Variants in ASXL2 observed in about 807,000 individuals in gnomAD.
The protein encoded by ASXL2 is putative Polycomb group protein ASXL2.
In ASXL2, 23 loss-of-function variants were observed where a neutral mutation model predicts 122.0. The ratio of observed to expected loss-of-function variants is 0.19; its 90% confidence interval spans 0.14 to 0.27. The LOEUF is 0.27. Among genes scored for constraint, ASXL2 ranks in the 10% least tolerant of loss-of-function variants. The pLI, the probability that ASXL2 is intolerant of heterozygous loss-of-function variation, is 1.00. For missense variants in ASXL2, 1,518 were observed against 1,713.8 expected (o/e 0.89, Z 2.02); for synonymous variants, 650 against 637.0 (o/e 1.02, Z -0.31).
rs558790296 is a variant in ASXL2 at position 25,878,375 on chromosome 2, G to A, written c.-153C>T. Reference sequence around the variant, plus strand: ...GGGCACCCAAGCAGAGGAAGCGGCGGGGGTGGTGCGCGGGGGGGTCTATGG... The same window carrying A: ...GGGCACCCAAGCAGAGGAAGCGGCGAGGGTGGTGCGCGGGGGGGTCTATGG... On this transcript the variant is annotated 5_prime_UTR_variant, in exon 1 of 13. Transcript: ENST00000435504. The A allele has an allele frequency of 1.5e-6, 1 of 686,272 alleles. No homozygotes were observed. The highest frequency in any genetic ancestry group is 1.8e-5 in the South Asian group (1 of 54,638). 42.5% of individuals were successfully genotyped at this position (686,272 alleles called of 1,614,324 possible).
intron 3 of ASXL2, among the ~76,000 whole-genome samples, chr2:25,828,843 A>AAAC (rs1553703404): frequency 2.0e-5 from 3 of 151,382 alleles, no homozygotes; most frequent in Middle Eastern, 3.4e-3. Context: ...AAAAAAAAAA[A>AAAC]AAAAACAACA....
At chr2:25,777,689 T>C (rs766802460) in intron 5 of ASXL2, among the ~76,000 whole-genome samples, 11 of 152,110 alleles carry the variant, frequency 7.2e-5, no homozygotes, top group South Asian at 2.1e-4. Context: ...CAAAGACATA[T>C]AATTTTATTA....
intron 2 of ASXL2, among the ~76,000 whole-genome samples, chr2:25,840,982 T>C (rs1446372404): frequency 6.6e-6 from 1 of 152,190 alleles, no homozygotes; most frequent in African/African-American, 2.4e-5. Context: ...CATTCTGTAA[T>C]CTTTCTAAAA....
chr2:25,789,006 T>G (rs1275696041), intron 5 of ASXL2, among the ~76,000 whole-genome samples: 1 of 152,186 alleles, frequency 6.6e-6, no homozygotes, highest in Admixed American at 6.5e-5. Flanking sequence ...CTTTAATATT[T>G]TCTTGGCTTT....
chr2:25,837,219 T>C (rs923106734), intron 2 of ASXL2, among the ~76,000 whole-genome samples: 1 of 152,112 alleles, frequency 6.6e-6, no homozygotes, highest in Non-Finnish European at 1.5e-5. Context: ...GAAAAACCTA[T>C]TGTATATCTA....
At chr2:25,832,551 C>G (rs2149187236) in intron 3 of ASXL2, among the ~76,000 whole-genome samples, 1 of 151,342 alleles carries the variant, frequency 6.6e-6, no homozygotes, top group South Asian at 2.1e-4. Context: ...AATTAAAAGG[C>G]AAGGATTGGC....
chr2:25,874,650 C>A (rs1172079529), intron 1 of ASXL2, among the ~76,000 whole-genome samples: 3 of 152,022 alleles, frequency 2.0e-5, no homozygotes, highest in African/African-American at 7.3e-5. Context: ...GACCCTGGTT[C>A]AAAAAATAAA....
At chr2:25,747,502 G>T (rs754269953) in intron 12 of ASXL2, among the ~76,000 whole-genome samples, 88 of 151,950 alleles carry the variant, frequency 5.8e-4, no homozygotes, top group Non-Finnish European at 1.1e-3. Flanking sequence ...AGATGAGGGA[G>T]AAGAAAGGAA....
intron 5 of ASXL2, among the ~76,000 whole-genome samples, chr2:25,781,314 G>A (rs72799687): frequency 0.042 from 6,437 of 152,028 alleles, 209 homozygotes; most frequent in African/African-American, 0.08. Context: ...GAGGAGAATC[G>A]TTTGAACCCG....
intron 3 of ASXL2, chr2:25,822,558 T>C: frequency 2.0e-6 from 1 of 499,402 alleles, no homozygotes; most frequent in Non-Finnish European, 3.8e-6. Context: ...ATGTAAATTT[T>C]GAAAAATCCA....
At chr2:25,826,762 TAAAAAA>T (rs55765302) in intron 3 of ASXL2, among the ~76,000 whole-genome samples, 21 of 68,090 alleles carry the variant, frequency 3.1e-4, no homozygotes, top group African/African-American at 9.1e-4. Context: ...ACTTTCAAGG[TAAAAAA>T]AAAAAAAAAA....
At chr2:25,813,476 T>C (rs2089196520) in intron 3 of ASXL2, among the ~76,000 whole-genome samples, 2 of 152,186 alleles carry the variant, frequency 1.3e-5, no homozygotes, top group South Asian at 4.1e-4. Flanking sequence ...ATATACAGTC[T>C]CATGTCAGTT....
intron 8 of ASXL2, among the ~76,000 whole-genome samples, chr2:25,765,505 A>C (rs1163896162): frequency 1.3e-5 from 2 of 152,082 alleles, no homozygotes; most frequent in Non-Finnish European, 2.9e-5. Flanking sequence ...AAAAAAAGAA[A>C]ATAGTCATTG....
At chr2:25,876,533 T>A (rs2090011083) in intron 1 of ASXL2, among the ~76,000 whole-genome samples, 1 of 152,144 alleles carries the variant, frequency 6.6e-6, no homozygotes, top group African/African-American at 2.4e-5. Flanking sequence ...AAAAAAACAA[T>A]TTTAAAGACC....
chr2:25,758,946 T>C (rs2088188764), intron 9 of ASXL2, among the ~76,000 whole-genome samples: 1 of 152,036 alleles, frequency 6.6e-6, no homozygotes, highest in African/African-American at 2.4e-5. Context: ...CTCTTCCTCC[T>C]GAAGTTTATG....
At chr2:25,754,864 T>C (rs561713981) in intron 10 of ASXL2, among the ~76,000 whole-genome samples, 16 of 151,592 alleles carry the variant, frequency 1.1e-4, no homozygotes, top group African/African-American at 2.2e-4. Context: ...CAAAAATATC[T>C]GTAGGAAAGA....
chr2:25,864,833 A>ATT (rs11358919), intron 1 of ASXL2, among the ~76,000 whole-genome samples: 7 of 144,164 alleles, frequency 4.9e-5, no homozygotes, highest in South Asian at 2.2e-4. Context: ...ACAATTTACA[A>ATT]TTTTTTTTTT....
chr2:25,754,094 A>G (rs1574397774), intron 10 of ASXL2, among the ~76,000 whole-genome samples: 1 of 152,212 alleles, frequency 6.6e-6, no homozygotes, highest in East Asian at 1.9e-4. Flanking sequence ...GCATAAAGAA[A>G]AGCTATGGCC....
rs370858803 is a variant in ASXL2 at position 25,878,264 on chromosome 2, C to A, written c.-42G>T. The stretch of plus-strand genomic sequence containing the variant: ...ACTGGGAGGCTCCCGTGTCCGGGCT[C>A]CGGCCGCCCTCCCTGCCTGCTCTGC... On this transcript the variant is annotated 5_prime_UTR_variant, in exon 1 of 13. Transcript: ENST00000435504. 4 of 1,607,996 alleles carry A rather than the reference C, an allele frequency of 2.5e-6. No individual in the cohort carries two copies. The highest frequency in any genetic ancestry group is 2.2e-5 in the East Asian group (1 of 44,722).
Sources: gnomAD v4.1 joint callset for allele counts (sites outside exome capture counted in the v4.1 genomes callset) on GRCh38, gnomAD v4.1.1 for gene constraint, MANE v1.5 for transcripts, NCBI Gene and HGNC (gene_info 2026-07-23, HGNC 2026-07-21) for gene names.